The following ITGBL1 variants were observed in gnomAD, a reference collection of about 807,000 sequenced individuals.
The protein encoded by ITGBL1 is integrin subunit beta like 1.
ITGBL1 carries 51 observed loss-of-function variants against 68.5 expected under a neutral mutation model. The observed-to-expected ratio is 0.74, with a 90% CI of 0.59 to 0.94. ITGBL1 has a LOEUF of 0.94. ITGBL1 is among the 40% of genes least tolerant of loss of function. The probability of loss-of-function intolerance (pLI) is 0.00; values close to 1 mark genes in which losing one functional copy is unlikely to be tolerated. For missense variants in ITGBL1, 649 were observed against 647.4 expected (o/e 1.00, Z -0.03); for synonymous variants, 209 against 227.3 (o/e 0.92, Z 0.72).
At chr13:101,543,931 G>A (rs1477871772) in intron 2 of ITGBL1, among the ~76,000 whole-genome samples, 1 of 152,034 alleles carries the variant, frequency 6.6e-6, no homozygotes, top group Non-Finnish European at 1.5e-5. Context: ...TCTCTGCATT[G>A]GTTATTCTAG....
intron 7 of ITGBL1, among the ~76,000 whole-genome samples, chr13:101,687,596 CTTT>C (rs2033783943): frequency 6.6e-6 from 1 of 151,942 alleles, no homozygotes; most frequent in African/African-American, 2.4e-5. Flanking sequence ...CATTATTCTT[CTTT>C]GATAGCTTAT....
intron 2 of ITGBL1, among the ~76,000 whole-genome samples, chr13:101,533,630 CT>C (rs2049520058): frequency 6.6e-6 from 1 of 152,148 alleles, no homozygotes; most frequent in Admixed American, 6.5e-5. Context: ...AATCCAAACA[CT>C]AAGTTTTGTT....
At chr13:101,649,209 G>A (rs1435093238) in intron 7 of ITGBL1, among the ~76,000 whole-genome samples, 1 of 152,100 alleles carries the variant, frequency 6.6e-6, no homozygotes, top group Non-Finnish European at 1.5e-5. Context: ...AAACACATCT[G>A]TTTCTCTGAT....
At chr13:101,508,801 C>A (rs2049066838) in intron 2 of ITGBL1, among the ~76,000 whole-genome samples, 1 of 151,912 alleles carries the variant, frequency 6.6e-6, no homozygotes, top group African/African-American at 2.4e-5. Flanking sequence ...ATATTTTGTT[C>A]TTTGATGTTT....
chr13:101,501,124 G>T (rs116479998), intron 2 of ITGBL1, among the ~76,000 whole-genome samples: 305 of 152,248 alleles, frequency 2.0e-3, no homozygotes, highest in African/African-American at 7.1e-3. Context: ...TCACCTTTTG[G>T]CTCCTGCTAT....
At position 101,500,010 on chromosome 13, in the gene ITGBL1, C is replaced by T. The variant is rs146560782; in HGVS notation, c.316+45910C>T. Among the ~76,000 whole-genome samples the T allele has an allele frequency of 6.9e-3, 1,052 of 152,266 alleles. 5 individuals carry two copies. The highest frequency in any genetic ancestry group is 0.012 in the Admixed American group (189 of 15,288). On this transcript the variant is annotated intron_variant, in intron 2 of 10. Coordinates refer to ENST00000376180, the MANE Select transcript of ITGBL1 (RefSeq NM_004791.3). ...ACCACTCCTTTCATCTGATGCCTTC[C>T]CCCACTGAAGGCCATAGGTTTATCT...
At chr13:101,609,584 G>A (rs1355287788) in intron 7 of ITGBL1, among the ~76,000 whole-genome samples, 1 of 152,078 alleles carries the variant, frequency 6.6e-6, no homozygotes, top group Non-Finnish European at 1.5e-5. Flanking sequence ...CCCCTTTGCA[G>A]TAGGTATTTA....
At position 101,589,876 on chromosome 13, in the gene ITGBL1, G is replaced by A. The variant is rs143049178; in HGVS notation, c.868+6520G>A. The stretch of plus-strand genomic sequence containing the variant: ...TCATGATGTTGCATTAAGTACACAG[G>A]AAAAGAGGTGTGGGAGCTTATAGGC... On this transcript the variant is annotated intron_variant, in intron 6 of 10. Coordinates refer to ENST00000376180, the MANE Select transcript of ITGBL1 (RefSeq NM_004791.3). 2.8e-3 allele frequency among the ~76,000 whole-genome samples: 430 copies of A among 152,290 alleles called. 3 individuals are homozygous for A. The highest frequency in any genetic ancestry group is 3.7e-3 in the Non-Finnish European group (250 of 68,022).
At chr13:101,667,014 C>G (rs1025318707) in intron 7 of ITGBL1, among the ~76,000 whole-genome samples, 1 of 152,164 alleles carries the variant, frequency 6.6e-6, no homozygotes, top group African/African-American at 2.4e-5. Context: ...CCTTAAAATT[C>G]CTTGACAGGG....
chr13:101,507,252 GA>G (rs1247573592), intron 2 of ITGBL1, among the ~76,000 whole-genome samples: 2 of 152,182 alleles, frequency 1.3e-5, no homozygotes, highest in African/African-American at 4.8e-5. Flanking sequence ...ATGAGGGCAG[GA>G]GGACAGCCTG....
chr13:101,469,061 G>A (rs1005895264), intron 2 of ITGBL1, among the ~76,000 whole-genome samples: 1 of 152,146 alleles, frequency 6.6e-6, no homozygotes, highest in African/African-American at 2.4e-5. Flanking sequence ...TGGCTATTAC[G>A]AATAAGTCAC....
chr13:101,591,933 A>G (rs914512673), intron 6 of ITGBL1, among the ~76,000 whole-genome samples: 14 of 152,292 alleles, frequency 9.2e-5, no homozygotes, highest in Admixed American at 2.6e-4. Flanking sequence ...GAACTGATGA[A>G]TACAAAAACC....
At chr13:101,594,811 T>C (rs1294834258) in intron 6 of ITGBL1, among the ~76,000 whole-genome samples, 5 of 152,176 alleles carry the variant, frequency 3.3e-5, no homozygotes. Context: ...TGGTGGCTCA[T>C]GCCTGTAATC....
chr13:101,500,399 C>G (rs560962246), intron 2 of ITGBL1, among the ~76,000 whole-genome samples: 304 of 152,236 alleles, frequency 2.0e-3, no homozygotes, highest in Non-Finnish European at 3.5e-3. Flanking sequence ...TCATGTTGCT[C>G]TTTGTCAATG....
chr13:101,492,866 A>G (rs1004219003), intron 2 of ITGBL1, among the ~76,000 whole-genome samples: 4 of 152,188 alleles, frequency 2.6e-5, no homozygotes, highest in Non-Finnish European at 5.9e-5. Flanking sequence ...CTTTCTTCGC[A>G]TTGCTTCTGT....
At chr13:101,490,754 G>A (rs1214865778) in intron 2 of ITGBL1, among the ~76,000 whole-genome samples, 1 of 152,230 alleles carries the variant, frequency 6.6e-6, no homozygotes, top group Non-Finnish European at 1.5e-5. Flanking sequence ...GCCACATGCA[G>A]TAGTTCTGGC....
intron 2 of ITGBL1, among the ~76,000 whole-genome samples, chr13:101,459,356 T>C (rs750560606): frequency 1.3e-5 from 2 of 152,252 alleles, no homozygotes; most frequent in Non-Finnish European, 2.9e-5. Context: ...GAACCTTCTA[T>C]TCTGTGTGAC....
chr13:101,681,316 A>G (rs2033635065), intron 7 of ITGBL1, among the ~76,000 whole-genome samples: 1 of 152,080 alleles, frequency 6.6e-6, no homozygotes, highest in Non-Finnish European at 1.5e-5. Context: ...CGTGTTGCAT[A>G]TTCAGTCATG....
Position 101,700,988 on chromosome 13 carries a change from C to T in ITGBL1, c.1133-5768C>T, listed in dbSNP as rs568308781. Among the ~76,000 whole-genome samples the T allele has an allele frequency of 6.9e-4, 105 of 152,314 alleles. 1 individual carries two copies. The highest frequency in any genetic ancestry group is 3.4e-3 in the Middle Eastern group (1 of 294). On this transcript the variant is annotated intron_variant, in intron 8 of 10. Transcript: ENST00000376180. ...TAGAAGACCGTAATTACCATGAAGA[C>T]AGGGCCAATGCCTATTTTACTTACT...
Sources: gnomAD v4.1 joint callset for allele counts (sites outside exome capture counted in the v4.1 genomes callset) on GRCh38, gnomAD v4.1.1 for gene constraint, MANE v1.5 for transcripts, NCBI Gene and HGNC (gene_info 2026-07-23, HGNC 2026-07-21) for gene names.